Variants in FBXL2 observed in about 807,000 individuals in gnomAD.
FBXL2 encodes the protein F-box/LRR-repeat protein 2.
A neutral mutation model predicts 69.2 loss-of-function variants in FBXL2; 38 were observed. The ratio of observed to expected loss-of-function variants is 0.55; its 90% CI spans 0.42 to 0.72. FBXL2 has a LOEUF of 0.72. Among genes scored for constraint, FBXL2 ranks in the 30% least tolerant of loss-of-function variants. The pLI is 0.00. For missense variants in FBXL2, 354 were observed against 520.3 expected (o/e 0.68, Z 3.11); for synonymous variants, 192 against 201.3 (o/e 0.95, Z 0.39).
intron 9 of FBXL2, among the ~76,000 whole-genome samples, 165 bp downstream of exon 9, chr3:33,374,086 G>A (rs537803758): frequency 4.0e-4 from 61 of 152,128 alleles, no homozygotes; most frequent in African/African-American, 1.4e-3. Context: ...TCACAAGCTG[G>A]AACAACAACA....
intron 2 of FBXL2, among the ~76,000 whole-genome samples, chr3:33,358,316 T>C (rs1354115300): frequency 6.6e-6 from 1 of 152,234 alleles, no homozygotes; most frequent in East Asian, 1.9e-4. Flanking sequence ...TCTCCTTGAC[T>C]GCCAGAATGT....
chr3:33,335,024 C>G (rs1005002857), intron 2 of FBXL2, among the ~76,000 whole-genome samples: 6 of 151,914 alleles, frequency 3.9e-5, no homozygotes, highest in African/African-American at 1.5e-4. Flanking sequence ...TCACTTGAGC[C>G]TGGGAAGCAG....
At chr3:33,301,187 A>G (rs555830149) in intron 2 of FBXL2, among the ~76,000 whole-genome samples, 7 of 152,108 alleles carry the variant, frequency 4.6e-5, no homozygotes, top group Non-Finnish European at 1.0e-4. Flanking sequence ...CCCTTGGCTT[A>G]TATTTTTATT....
chr3:33,291,632 TGA>T, intron 1 of FBXL2, among the ~76,000 whole-genome samples: 1 of 151,948 alleles, frequency 6.6e-6, no homozygotes, highest in Non-Finnish European at 1.5e-5. Flanking sequence ...AGTTAGACTG[TGA>T]TAAGTTAAAG....
chr3:33,378,548 G>C (rs1294168637), intron 12 of FBXL2, 137 bp from the exon 13 acceptor site: 1 of 788,690 alleles, frequency 1.3e-6, no homozygotes, highest in Non-Finnish European at 2.0e-6. Context: ...GGTGAAGAGA[G>C]GAGCTCCCAG....
At chr3:33,333,759 C>T (rs1477946446) in intron 2 of FBXL2, among the ~76,000 whole-genome samples, 2 of 152,140 alleles carry the variant, frequency 1.3e-5, no homozygotes, top group Non-Finnish European at 2.9e-5. Context: ...AAATTCTTCC[C>T]CTTCCCCACC....
At chr3:33,375,449 T>G in intron 10 of FBXL2, 31 bp downstream of exon 10, 1 of 1,603,548 alleles carries the variant, frequency 6.2e-7, no homozygotes, top group Non-Finnish European at 8.5e-7. Context: ...GCTTTGCAGC[T>G]CAGAGTTTGG....
intron 2 of FBXL2, chr3:33,303,003 A>C: frequency 2.2e-6 from 1 of 453,682 alleles, no homozygotes; most frequent in Non-Finnish European, 4.4e-6. Context: ...CTTGGCAAGC[A>C]GTACAGTAAA....
chr3:33,358,097 T>A (rs2041343120), intron 2 of FBXL2, among the ~76,000 whole-genome samples: 1 of 152,194 alleles, frequency 6.6e-6, no homozygotes, highest in Non-Finnish European at 1.5e-5. Context: ...CTGTTCGCCA[T>A]CTTAACCACT....
At chr3:33,408,927 G>T in the FBXL2 span, 1 of 962,246 alleles carries the variant, frequency 1.0e-6, no homozygotes, top group Non-Finnish European at 1.6e-6. Flanking sequence ...TAAAAAAAAT[G>T]CAAAACCCCA....
In FBXL2 at chr3:33,385,779, T is replaced by G; in HGVS notation, c.*171T>G. 3.3e-6 allele frequency: 2 copies of G among 612,904 alleles called. No individual in the cohort carries two copies. Among genetic ancestry groups the G allele is most frequent in the South Asian group, 1.9e-5 (1 of 51,698 alleles). The allele number at this position is 612,904 out of a possible 1,614,324, so 38.0% of individuals were successfully genotyped here. ...GTTACTCTGGTGATAGTTTTCACCT[T>G]TATTCTGCTGTGAAACAATCAAATC... On this transcript the variant is annotated 3_prime_UTR_variant, in exon 15 of 15. Transcript: ENST00000484457.
At chr3:33,391,872 C>G (rs1170999891), downstream of FBXL2, 4 of 152,420 alleles carry the variant, frequency 2.6e-5, no homozygotes, top group African/African-American at 9.6e-5. Flanking sequence ...TAAATCCGAA[C>G]TACCATCATC....
At chr3:33,283,585 C>G (rs1297091576) in intron 1 of FBXL2, among the ~76,000 whole-genome samples, 1 of 152,156 alleles carries the variant, frequency 6.6e-6, no homozygotes, top group East Asian at 1.9e-4. Flanking sequence ...GGAGGATACC[C>G]TCTTTTTCTA....
chr3:33,394,012 T>C (rs1232737530), intron 12 of FBXL2, among the ~76,000 whole-genome samples: 2 of 150,938 alleles, frequency 1.3e-5, no homozygotes, highest in African/African-American at 4.9e-5. Flanking sequence ...AAAAGAGTCA[T>C]AGTTCTTTTT....
intron 12 of FBXL2, chr3:33,393,208 A>C (rs538414375): frequency 8.4e-7 from 1 of 1,191,242 alleles, no homozygotes; most frequent in East Asian, 2.7e-5. Flanking sequence ...AATGATTCTC[A>C]TAAGTATTTT....
rs9872843 is a variant in FBXL2 at position 33,279,434 on chromosome 3, C to T, written c.3+1919C>T. ...TACAGGCGAGTGCCACCACGCCCAG[C>T]TAATTTTTGTATTTTTAGTAGAGAT... is the stretch of plus-strand genomic sequence containing the variant. On this transcript the variant is annotated intron_variant, in intron 1 of 14. Transcript: ENST00000484457. Among the ~76,000 whole-genome samples the T allele has an allele frequency of 5.8e-3, 879 of 152,236 alleles. 10 individuals are homozygous for T. Among genetic ancestry groups the T allele is most frequent in the African/African-American group, 0.02 (846 of 41,556 alleles).
At chr3:33,359,184 G>A (rs1298473236) in intron 3 of FBXL2, 99 bp from the exon 4 acceptor site, 3 of 1,080,596 alleles carry the variant, frequency 2.8e-6, no homozygotes, top group Non-Finnish European at 2.7e-6. Context: ...ATCAAAAATA[G>A]GAGTTTGGAA....
At chr3:33,400,837 G>A (rs562711682) in intron 12 of FBXL2, 39 of 900,148 alleles carry the variant, frequency 4.3e-5, no homozygotes, top group African/African-American at 3.7e-4. Flanking sequence ...ATCCTGACTC[G>A]ATTACCACAC....
In FBXL2 at chr3:33,402,854, G is replaced by A. The variant is rs182819320; in HGVS notation, n.1215-380G>A. ...GTGGGGAGGTGAAAGTGGGCGCTGG[G>A]GAAGGGCTGTTATTCACATAGGCTG... On this transcript the variant is annotated intron_variant and non_coding_transcript_variant, in intron 12 of 12. Transcript: ENST00000463736. 18 of 1,610,292 alleles carry A rather than the reference G, an allele frequency of 1.1e-5. No homozygotes were observed. The East Asian group carries it at 2.5e-4, about 22-fold the overall frequency.
Sources: gnomAD v4.1 joint callset for allele counts (sites outside exome capture counted in the v4.1 genomes callset) on GRCh38, gnomAD v4.1.1 for gene constraint, MANE v1.5 for transcripts, NCBI Gene and HGNC (gene_info 2026-07-23, HGNC 2026-07-21) for gene names.